The following ATG14 variants were observed in gnomAD, a reference collection of about 807,000 sequenced individuals.
ATG14 encodes beclin 1-associated autophagy-related key regulator.
Under a neutral mutation model 60.4 loss-of-function variants are expected in ATG14, and 35 were observed. That is an observed-to-expected ratio of 0.58 (90% CI 0.44 to 0.77). The LOEUF (loss-of-function observed/expected upper bound fraction) is 0.77, where lower values mean the gene tolerates loss of function less well. Ranked by LOEUF, ATG14 falls within the 30% of genes least tolerant of loss-of-function variation. The pLI is 0.00. For synonymous variants in ATG14, 234 were observed against 228.8 expected, an observed-to-expected ratio of 1.02 and a Z score of -0.21; for missense variants, 647 against 626.3, an observed-to-expected ratio of 1.03 and a Z score of -0.35.
At chr14:55,405,437 A>G (rs986283123) in intron 1 of ATG14, among the ~76,000 whole-genome samples, 4 of 152,228 alleles carry the variant, frequency 2.6e-5, no homozygotes, top group African/African-American at 9.6e-5. Flanking sequence ...GTAATGTGGC[A>G]TCATTCCTGA....
intron 1 of ATG14, among the ~76,000 whole-genome samples, chr14:55,401,909 C>T (rs1346561483): frequency 2.6e-5 from 4 of 152,132 alleles, no homozygotes; most frequent in Non-Finnish European, 1.5e-5. Context: ...TGTAACTGCA[C>T]CAAGCATTTC....
At chr14:55,385,682 G>A (rs35798731) in intron 5 of ATG14, among the ~76,000 whole-genome samples, 177 bp downstream of exon 5, 27 of 152,256 alleles carry the variant, frequency 1.8e-4, no homozygotes, top group Non-Finnish European at 2.5e-4. Flanking sequence ...CCCTCACCTC[G>A]CTGCCTCCCC....
At chr14:55,395,190 T>C (rs1885291675) in intron 3 of ATG14, 2 of 434,038 alleles carry the variant, frequency 4.6e-6, no homozygotes, top group Admixed American at 5.2e-5. Context: ...CTTGGGCTCT[T>C]CCTCTGTGGC....
chr14:55,375,490 A>ATTTT (rs779634897), intron 9 of ATG14, among the ~76,000 whole-genome samples: 248 of 117,746 alleles, frequency 2.1e-3, no homozygotes, highest in African/African-American at 8.2e-3. Flanking sequence ...GCCGGGCTAA[A>ATTTT]TTTTTTTTTT....
At chr14:55,390,596 C>T (rs1885198282) in intron 4 of ATG14, among the ~76,000 whole-genome samples, 1 of 152,164 alleles carries the variant, frequency 6.6e-6, no homozygotes, top group Non-Finnish European at 1.5e-5. Context: ...TGGTCTCGAT[C>T]TCCTGACCTT....
rs1481880679 is a variant in ATG14, at chr14:55,366,975, G to A, written c.*2644C>T. On this transcript the variant is annotated 3_prime_UTR_variant, in exon 10 of 10. Coordinates refer to ENST00000247178, the MANE Select transcript of ATG14 (RefSeq NM_014924.5). Reference sequence around the variant, plus strand: ...ATATTTCAGCAGTGTAAGCCAGTATGTTGGTGTTCAAAACCACAAAAGGGT... The same window carrying A: ...ATATTTCAGCAGTGTAAGCCAGTATATTGGTGTTCAAAACCACAAAAGGGT... 6.6e-6 allele frequency: 1 copy of A among 152,638 alleles called. No individual in the cohort carries two copies. Among genetic ancestry groups the A allele is most frequent in the African/African-American group, 2.4e-5 (1 of 41,458 alleles). The allele number at this position is 152,638 out of a possible 1,614,324, so 9.5% of individuals were successfully genotyped here.
chr14:55,369,810 C>A lies in ATG14; in HGVS notation c.1288G>T (p.Asp430Tyr). 2 of 1,614,168 alleles carry A rather than the reference C, an allele frequency of 1.2e-6. No individual in the cohort carries two copies. The change falls in exon 10 of 10, where the codon GAC becomes TAC. Residue 430 changes from aspartate to tyrosine, a missense_variant. Coordinates refer to ENST00000247178, the MANE Select transcript of ATG14 (RefSeq NM_014924.5). ...GDERVSDEET[D>Y]LGTDWENLPS... ...AAGTTCTCCCAGTCTGTGCCCAGGT[C>A]GGTTTCTTCATCGCTGACGCGCTCA... is the stretch of plus-strand genomic sequence containing the variant.
At position 55,367,954 on chromosome 14, in the gene ATG14, T is replaced by G. The variant is rs1884719500; in HGVS notation, c.*1665A>C. 6.6e-6 allele frequency: 1 copy of G among 152,496 alleles called. No individual in the cohort carries two copies. Among genetic ancestry groups the G allele is most frequent in the Admixed American group, 6.5e-5 (1 of 15,276 alleles). The allele number at this position is 152,496 out of a possible 1,614,324, so 9.4% of individuals were successfully genotyped here. A position where few individuals can be genotyped will look rare whatever the true frequency, so the allele number is the denominator to read the frequency against. On this transcript the variant is annotated 3_prime_UTR_variant, in exon 10 of 10. Transcript: ENST00000247178. ...AAAGTATCAACTACAATTATTATGA[T>G]GAGAAAAGAAGCTGGGGCATGGCAA...
chr14:55,389,575 C>T (rs551026461), intron 4 of ATG14, among the ~76,000 whole-genome samples: 4 of 152,166 alleles, frequency 2.6e-5, no homozygotes, highest in Admixed American at 6.5e-5. Flanking sequence ...AAGGGATTCA[C>T]GAGGTCTGAT....
In ATG14 at chr14:55,377,884, T is replaced by A. The variant is rs1433104889; in HGVS notation, c.1107A>T (p.Leu369Phe). ...CFSQHVNLDQ[L>F]QPLHTLRNLM... is the part of the protein sequence containing the mutation. ...GATTCCTGAGGGTATGCAGTGGTTG[T>A]AATTGATCTAAATTTACATGCTAAA... The change falls in exon 9 of 10, where the codon TTA becomes TTT. Residue 369 changes from leucine to phenylalanine, a missense_variant. Coordinates refer to ENST00000247178, the MANE Select transcript of ATG14 (RefSeq NM_014924.5). 6.2e-7 allele frequency: 1 copy of A among 1,606,450 alleles called. No individual in the cohort carries two copies. The highest frequency in any genetic ancestry group is 8.5e-7 in the Non-Finnish European group (1 of 1,177,406).
intron 4 of ATG14, among the ~76,000 whole-genome samples, chr14:55,390,572 C>G (rs928359950): frequency 1.3e-5 from 2 of 151,960 alleles, no homozygotes; most frequent in African/African-American, 2.4e-5. Flanking sequence ...GGAGTTTCAC[C>G]ATGTTAGTCA....
chr14:55,394,831 C>T (rs1030756403), intron 3 of ATG14: 1 of 303,352 alleles, frequency 3.3e-6, no homozygotes, highest in Non-Finnish European at 6.4e-6. Context: ...AAAACTAACC[C>T]CCCAACTACG....
At chr14:55,387,380 T>C (rs1885142354) in intron 4 of ATG14, among the ~76,000 whole-genome samples, 1 of 152,144 alleles carries the variant, frequency 6.6e-6, no homozygotes, top group Non-Finnish European at 1.5e-5. Context: ...ACTCAGGCTA[T>C]CTATTTGCTC....
rs1885013674 is a variant in ATG14, at chr14:55,380,702, AAAC to A, written c.878-15_878-13del. On this transcript the variant is annotated splice_polypyrimidine_tract_variant and intron_variant, in intron 6 of 9. Coordinates refer to ENST00000247178, the MANE Select transcript of ATG14 (RefSeq NM_014924.5). ...ACTCTGCTCCATGTCTGCAGTAAGAAAACAACCACCATGTACAAAACCTTAATT... is the reference window on the plus strand; with the variant it reads ...ACTCTGCTCCATGTCTGCAGTAAGAAAACCACCATGTACAAAACCTTAATT... 1.3e-6 allele frequency: 2 copies of A among 1,555,712 alleles called. No individual in the cohort carries two copies. Among genetic ancestry groups the A allele is most frequent in the South Asian group, 2.4e-5 (2 of 84,916 alleles).
intron 9 of ATG14, among the ~76,000 whole-genome samples, chr14:55,370,405 C>T (rs953451553): frequency 3.6e-5 from 3 of 83,566 alleles, no homozygotes; most frequent in African/African-American, 1.0e-4. Flanking sequence ...AAAAATATCA[C>T]CACAATTTTC....
At chr14:55,411,041 A>G (rs1885562798) in intron 1 of ATG14, among the ~76,000 whole-genome samples, 1 of 152,182 alleles carries the variant, frequency 6.6e-6, no homozygotes, top group Non-Finnish European at 1.5e-5. Flanking sequence ...AATTCCTAAG[A>G]ATCTAAAATA....
chr14:55,394,881 C>A, intron 3 of ATG14: 7 of 351,454 alleles, frequency 2.0e-5, no homozygotes, highest in Non-Finnish European at 2.8e-5. Flanking sequence ...AAGCCTCCCA[C>A]TACTCAATAT....
chr14:55,395,939 C>T lies in ATG14; in HGVS notation c.327+1G>A. On this transcript the variant is annotated splice_donor_variant, in intron 3 of 9. Coordinates refer to ENST00000247178, the MANE Select transcript of ATG14 (RefSeq NM_014924.5). LOFTEE classifies it high-confidence loss of function. Reference sequence around the variant, plus strand: ...TAAAAAGAACATGTATTACAACTTACCAACTGATCTGTTATCCATTTTCCT... The same window carrying T: ...TAAAAAGAACATGTATTACAACTTATCAACTGATCTGTTATCCATTTTCCT... 1 of 1,587,028 alleles carries T rather than the reference C, an allele frequency of 6.3e-7. No homozygotes were observed. The highest frequency in any genetic ancestry group is 1.4e-5 in the African/African-American group (1 of 73,858).
At chr14:55,401,748 C>T (rs763694897) in intron 1 of ATG14, among the ~76,000 whole-genome samples, 5 of 152,174 alleles carry the variant, frequency 3.3e-5, no homozygotes, top group Non-Finnish European at 7.3e-5. Context: ...TGCTCGCACA[C>T]AGCCCCAGTG....
Sources: gnomAD v4.1 joint callset for allele counts (sites outside exome capture counted in the v4.1 genomes callset) on GRCh38, gnomAD v4.1.1 for gene constraint, MANE v1.5 for transcripts, NCBI Gene and HGNC (gene_info 2026-07-23, HGNC 2026-07-21) for gene names.